Variants in COL8A1 observed in about 807,000 individuals in gnomAD.
COL8A1 encodes the protein collagen type VIII alpha 1 chain.
Under a neutral mutation model 42.7 loss-of-function variants are expected in COL8A1, and 21 were observed. That is an observed-to-expected ratio of 0.49 (90% CI 0.35 to 0.71). The LOEUF (loss-of-function observed/expected upper bound fraction) is 0.71. Among genes scored for constraint, COL8A1 ranks in the 30% least tolerant of loss-of-function variants. The pLI, the probability that COL8A1 is intolerant of heterozygous loss-of-function variation, is 0.01. For synonymous variants in COL8A1, 367 were observed against 369.1 expected, an observed-to-expected ratio of 0.99 and a Z score of 0.06; for missense variants, 788 against 962.4, an observed-to-expected ratio of 0.82 and a Z score of 2.40.
rs1235259709 is a variant in COL8A1 at position 99,794,997 on chromosome 3, G to A, written c.1096G>A (p.Gly366Ser). Reference sequence around the variant, plus strand: ...ACCCAAAGGTGACCGGGGCATGGGAGGTGTTCCTGGGGCTCTTGGACCAAG... The same window carrying A: ...ACCCAAAGGTGACCGGGGCATGGGAAGTGTTCCTGGGGCTCTTGGACCAAG... ...PGPKGDRGMG[G>S]VPGALGPRGE... Residue 366 changes from glycine to serine, a missense_variant, in exon 4 of 4, where the codon GGT (glycine) becomes AGT (serine). Coordinates refer to ENST00000652472, the MANE Select transcript of COL8A1 (RefSeq NM_020351.4). The surrounding 1 kb of genome is among the most constrained non-coding windows in gnomAD (Gnocchi z 4.3). 2 of 1,606,818 alleles carry A rather than the reference G, an allele frequency of 1.2e-6. No individual in the cohort carries two copies. Among genetic ancestry groups the A allele is most frequent in the Non-Finnish European group, 1.7e-6 (2 of 1,176,552 alleles).
intron 1 of COL8A1, among the ~76,000 whole-genome samples, chr3:99,662,516 A>G (rs930820032): frequency 1.3e-5 from 2 of 152,248 alleles, no homozygotes; most frequent in Admixed American, 1.3e-4. Context: ...TGCTGTACAT[A>G]TGCATGTATG....
At chr3:99,678,158 G>A (rs1576426432) in intron 1 of COL8A1, 1 of 152,044 alleles carries the variant, frequency 6.6e-6, no homozygotes, top group African/African-American at 2.4e-5. Context: ...TTAAACAGGG[G>A]AACAAATTAC....
rs201238653 is a variant in COL8A1, at chr3:99,723,866, T to A, written c.-128-21031T>A. On this transcript the variant is annotated intron_variant, in intron 1 of 3. Coordinates refer to ENST00000652472, the MANE Select transcript of COL8A1 (RefSeq NM_020351.4). Reference sequence around the variant, plus strand: ...ACAGAGTCCACACAAATTCTCTTCATCTTGCAGAATTATTTCTTCTCATTT... The same window carrying A: ...ACAGAGTCCACACAAATTCTCTTCAACTTGCAGAATTATTTCTTCTCATTT... Among the ~76,000 whole-genome samples, 4 of 152,158 alleles carry A rather than the reference T, an allele frequency of 2.6e-5. No individual in the cohort carries two copies. The East Asian group carries it at 5.8e-4, about 22-fold the overall frequency.
chr3:99,659,496 T>G (rs1938133596), intron 1 of COL8A1, among the ~76,000 whole-genome samples: 1 of 152,212 alleles, frequency 6.6e-6, no homozygotes, highest in Non-Finnish European at 1.5e-5. Flanking sequence ...AAGGGAATAC[T>G]CCTCTGAGGA....
chr3:99,716,059 C>T (rs1939985652), intron 1 of COL8A1, among the ~76,000 whole-genome samples: 2 of 152,064 alleles, frequency 1.3e-5, no homozygotes, highest in South Asian at 4.2e-4. Context: ...GAAGAATTTG[C>T]AATCAGCAAA....
At chr3:99,787,180 A>G (rs1379955170) in intron 2 of COL8A1, among the ~76,000 whole-genome samples, 1 of 152,210 alleles carries the variant, frequency 6.6e-6, no homozygotes, top group East Asian at 1.9e-4. Flanking sequence ...ATGAGCATTT[A>G]AAATATCTAT....
At chr3:99,750,838 T>C (rs1275132531) in intron 2 of COL8A1, among the ~76,000 whole-genome samples, 1 of 152,206 alleles carries the variant, frequency 6.6e-6, no homozygotes, top group Non-Finnish European at 1.5e-5. Flanking sequence ...AAGTTGTTAT[T>C]GTGGCAATCA....
chr3:99,767,690 T>C (rs148720272), intron 2 of COL8A1, among the ~76,000 whole-genome samples: 22 of 152,316 alleles, frequency 1.4e-4, no homozygotes, highest in African/African-American at 5.3e-4. Flanking sequence ...ACCCTTTCAG[T>C]TGATTACCAA....
chr3:99,638,747 G>C (rs1428920016), intron 1 of COL8A1, 83 bp downstream of exon 1: 3 of 152,160 alleles, frequency 2.0e-5, no homozygotes, highest in African/African-American at 7.2e-5. Context: ...CGCGTTTGCT[G>C]TTTGGTTAGA....
chr3:99,771,081 G>T (rs537178629), intron 2 of COL8A1, among the ~76,000 whole-genome samples: 1 of 152,244 alleles, frequency 6.6e-6, no homozygotes, highest in South Asian at 2.1e-4. Context: ...GAACCAACTT[G>T]GTGAATCCAA....
intron 1 of COL8A1, among the ~76,000 whole-genome samples, chr3:99,718,329 G>C (rs1940058707): frequency 6.6e-6 from 1 of 152,054 alleles, no homozygotes. Context: ...AATGAGCTCA[G>C]AGTAGGTATT....
chr3:99,693,960 A>G (rs1423716347), intron 1 of COL8A1, among the ~76,000 whole-genome samples: 1 of 152,212 alleles, frequency 6.6e-6, no homozygotes, highest in East Asian at 1.9e-4. Flanking sequence ...ATGTTTAGAT[A>G]CACAAATAGT....
intron 2 of COL8A1, among the ~76,000 whole-genome samples, chr3:99,772,791 G>T (rs1257787528): frequency 2.0e-5 from 3 of 152,142 alleles, no homozygotes; most frequent in African/African-American, 7.2e-5. Context: ...GAACTCATAG[G>T]GAGTGTGTTT....
intron 1 of COL8A1, among the ~76,000 whole-genome samples, chr3:99,728,196 C>G (rs1940395122): frequency 6.6e-6 from 1 of 152,016 alleles, no homozygotes; most frequent in Non-Finnish European, 1.5e-5. Context: ...AAGAGGAAGT[C>G]AAATTGTCCC....
At chr3:99,681,328 G>A (rs1392168228) in intron 1 of COL8A1, among the ~76,000 whole-genome samples, 14 of 152,236 alleles carry the variant, frequency 9.2e-5, no homozygotes, top group South Asian at 6.2e-4. Context: ...AAAAGTGGGC[G>A]AAGGATATGA....
chr3:99,787,230 A>T (rs1156607083), intron 2 of COL8A1, among the ~76,000 whole-genome samples: 1 of 152,196 alleles, frequency 6.6e-6, no homozygotes, highest in Admixed American at 6.5e-5. Flanking sequence ...TTACTCTGTT[A>T]TGTACATTAC....
intron 2 of COL8A1, among the ~76,000 whole-genome samples, chr3:99,757,976 A>T (rs965473096): frequency 1.1e-4 from 17 of 152,222 alleles, no homozygotes; most frequent in African/African-American, 4.1e-4. Flanking sequence ...TAAATAGAAT[A>T]GAATACATTC....
intron 1 of COL8A1, chr3:99,680,327 A>T (rs557261252): frequency 6.6e-6 from 1 of 152,284 alleles, no homozygotes; most frequent in Non-Finnish European, 1.5e-5. Flanking sequence ...ACATGAACTC[A>T]TTCTTTTTTA....
chr3:99,730,905 C>G (rs72932374), intron 1 of COL8A1, among the ~76,000 whole-genome samples: 2 of 152,120 alleles, frequency 1.3e-5, no homozygotes, highest in African/African-American at 4.8e-5. Flanking sequence ...TTTTAAAATG[C>G]CCATATAGTT....
Sources: allele counts gnomAD v4.1 joint callset (sites outside exome capture counted in the v4.1 genomes callset), GRCh38; gene constraint gnomAD v4.1.1; non-coding constraint Gnocchi (gnomAD v3.1); transcripts MANE v1.5; gene names NCBI Gene and HGNC (gene_info 2026-07-23, HGNC 2026-07-21).